Variants in FAM186A observed in about 807,000 individuals in gnomAD.
FAM186A encodes the protein family with sequence similarity 186 member A, also known as protein FAM186A.
In FAM186A, 163 loss-of-function variants were observed where a neutral mutation model predicts 216.8. That is an observed-to-expected ratio of 0.75 (90% CI 0.66 to 0.86). FAM186A has a LOEUF of 0.86. Ranked by LOEUF, FAM186A falls within the 40% of genes least tolerant of loss-of-function variation. FAM186A has a pLI of 0.00. For missense variants in FAM186A, 2,184 were observed against 2,746.2 expected, an observed-to-expected ratio of 0.80 and a Z score of 4.58; for synonymous variants, 805 against 1,025.3, an observed-to-expected ratio of 0.79 and a Z score of 4.10.
chr12:50,382,358 G>T (rs1053470296), intron 1 of FAM186A, among the ~76,000 whole-genome samples: 6 of 151,820 alleles, frequency 4.0e-5, no homozygotes, highest in Non-Finnish European at 5.9e-5. Context: ...TATTTTCTAG[G>T]GGGAATAGCA....
intron 3 of FAM186A, among the ~76,000 whole-genome samples, chr12:50,359,581 C>A (rs1010972674): frequency 1.3e-5 from 2 of 151,802 alleles, no homozygotes; most frequent in African/African-American, 4.8e-5. Flanking sequence ...TCTACCCCCC[C>A]AAAAAAAATG....
intron 1 of FAM186A, chr12:50,365,767 G>T: frequency 1.3e-6 from 1 of 755,176 alleles, no homozygotes. Context: ...GAAGAGCTGA[G>T]ACAGAAGTAC....
intron 5 of FAM186A, among the ~76,000 whole-genome samples, chr12:50,333,462 G>T (rs999765480): frequency 5.9e-5 from 9 of 152,120 alleles, no homozygotes; most frequent in Admixed American, 5.9e-4. Context: ...AATCCAGGAG[G>T]TGGAGTTTGC....
intron 1 of FAM186A, among the ~76,000 whole-genome samples, chr12:50,373,466 G>A (rs574954843): frequency 6.6e-6 from 1 of 152,284 alleles, no homozygotes; most frequent in South Asian, 2.1e-4. Flanking sequence ...GAAGAGGAAG[G>A]AGCAATTCCT....
intron 3 of FAM186A, 89 bp from the exon 4 acceptor site, chr12:50,356,337 G>A: frequency 9.7e-7 from 1 of 1,028,018 alleles, no homozygotes; most frequent in Non-Finnish European, 1.4e-6. Flanking sequence ...ATTTAGCCTA[G>A]ATTAACTATA....
At position 50,383,226 on chromosome 12, in the gene FAM186A, G is replaced by C. The variant is rs552814730; in HGVS notation, c.192+13067C>G. Among the ~76,000 whole-genome samples, 7 of 113,166 alleles carry C rather than the reference G, an allele frequency of 6.2e-5. No homozygotes were observed. The East Asian group carries it at 2.1e-3, about 34-fold the overall frequency. 74.2% of individuals were successfully genotyped at this position (113,166 alleles called of 152,430 possible). A position where few individuals can be genotyped will look rare whatever the true frequency, so the allele number is the denominator to read the frequency against. On this transcript the variant is annotated intron_variant, in intron 1 of 7. Coordinates refer to ENST00000327337, the MANE Select transcript of FAM186A (RefSeq NM_001145475.3). ...GATTGCAGCCACTGCACACCAGCCTGGGTGACAGAGCAAGACTCCGTCTAA... is the reference window on the plus strand; with the variant it reads ...GATTGCAGCCACTGCACACCAGCCTCGGTGACAGAGCAAGACTCCGTCTAA...
Position 50,354,713 on chromosome 12 carries a change from C to A in FAM186A, c.2119G>T (p.Glu707Ter), listed in dbSNP as rs1459992091. 2 of 1,548,660 alleles carry A rather than the reference C, an allele frequency of 1.3e-6. No individual in the cohort carries two copies. The highest frequency in any genetic ancestry group is 2.7e-5 in the African/African-American group (2 of 72,916). ...TTTATGATTCCTAATTTTTCAGCTT[C>A]TGCTCTTTTTAATAACTCCTCTTCC... Reference protein sequence around the residue: ...PKEEELLKRAEAEKLGIIKAK... With the variant: ...PKEEELLKRA Residue 707 changes from glutamate (E) to a stop codon, truncating the protein, a stop_gained, in exon 4 of 8, where the codon GAA (glutamate) becomes TAA (stop). Coordinates refer to ENST00000327337, the MANE Select transcript of FAM186A (RefSeq NM_001145475.3). LOFTEE classifies it high-confidence loss of function.
intron 4 of FAM186A, among the ~76,000 whole-genome samples, chr12:50,347,450 G>C (rs1010740708): frequency 2.0e-5 from 3 of 152,086 alleles, no homozygotes; most frequent in Non-Finnish European, 2.9e-5. Context: ...GAAAATAATA[G>C]CTGGGCGCGG....
At chr12:50,360,692 T>G (rs1943024049) in intron 3 of FAM186A, 64 bp downstream of exon 3, 2 of 1,294,124 alleles carry the variant, frequency 1.5e-6, no homozygotes, top group Admixed American at 3.2e-5. Context: ...AAAAAAAAAG[T>G]TGTTTCTCTA....
intron 5 of FAM186A, among the ~76,000 whole-genome samples, chr12:50,333,535 G>A (rs984853455): frequency 1.3e-5 from 2 of 151,480 alleles, no homozygotes; most frequent in Admixed American, 6.6e-5. Context: ...TCAAAAAAAC[G>A]AAAAACAAAG....
chr12:50,387,933 T>C (rs10083073), intron 1 of FAM186A, among the ~76,000 whole-genome samples: 152,282 of 152,288 alleles, frequency 1, 76,138 homozygotes, highest in Non-Finnish European at 1. Flanking sequence ...ACTATCTGCC[T>C]ACGTGATTTC....
At chr12:50,346,607 G>C (rs1339950784) in intron 4 of FAM186A, among the ~76,000 whole-genome samples, 3 of 152,170 alleles carry the variant, frequency 2.0e-5, no homozygotes, top group Non-Finnish European at 4.4e-5. Context: ...CAGCACTTTG[G>C]GAGGCCGAAG....
chr12:50,351,728 G>T lies in FAM186A; in HGVS notation c.5104C>A (p.Pro1702Thr), dbSNP rs1428383387. 12 of 1,551,528 alleles carry T rather than the reference G, an allele frequency of 7.7e-6. No homozygotes were observed. Among genetic ancestry groups the T allele is most frequent in the Middle Eastern group, 1.7e-4 (1 of 5,988 alleles). The change falls in exon 4 of 8, where the codon CCC becomes ACC. Residue 1702 changes from proline to threonine, a missense_variant. Transcript: ENST00000327337. ...TLDKAHTLGS[P>T]LTLKQVQWSH... is the part of the protein sequence containing the mutation. ...CACTGGACTTGCTTAAGGGTGAGGG[G>T]CGATCCCAAGGTATGGGCTTTATCT... is the stretch of plus-strand genomic sequence containing the variant.
chr12:50,362,957 G>A (rs1030618120), intron 2 of FAM186A, among the ~76,000 whole-genome samples, 188 bp downstream of exon 2: 1 of 152,078 alleles, frequency 6.6e-6, no homozygotes, highest in African/African-American at 2.4e-5. Context: ...CAGCATAGCT[G>A]GCACTAAGTG....
chr12:50,382,273 C>T (rs1943260490), intron 1 of FAM186A, among the ~76,000 whole-genome samples: 1 of 147,494 alleles, frequency 6.8e-6, no homozygotes, highest in Admixed American at 6.8e-5. Context: ...AAGACACACT[C>T]TTGTCCACAC....
intron 5 of FAM186A, among the ~76,000 whole-genome samples, chr12:50,332,313 A>T (rs762466307): frequency 5.9e-5 from 9 of 152,182 alleles, no homozygotes; most frequent in Admixed American, 2.6e-4. Context: ...TCTTATAATT[A>T]CCCTTGTCTT....
chr12:50,333,743 G>C (rs1214013890), intron 5 of FAM186A, among the ~76,000 whole-genome samples, 168 bp downstream of exon 5: 2 of 152,228 alleles, frequency 1.3e-5, no homozygotes, highest in East Asian at 3.9e-4. Flanking sequence ...CTCTAGAACT[G>C]TGAGAGAGTA....
At chr12:50,387,978 G>A (rs749120328) in intron 1 of FAM186A, among the ~76,000 whole-genome samples, 7 of 152,098 alleles carry the variant, frequency 4.6e-5, no homozygotes, top group Non-Finnish European at 8.8e-5. Flanking sequence ...TATTCTCTCT[G>A]GGCACACCAC....
chr12:50,361,463 T>A (rs568411789), intron 2 of FAM186A, among the ~76,000 whole-genome samples: 16 of 151,700 alleles, frequency 1.1e-4, no homozygotes, highest in Admixed American at 3.3e-4. Flanking sequence ...CCTCCCAAAG[T>A]GCTGGGATTA....
Sources: allele counts gnomAD v4.1 joint callset (sites outside exome capture counted in the v4.1 genomes callset), GRCh38; gene constraint gnomAD v4.1.1; transcripts MANE v1.5; gene names NCBI Gene and HGNC (gene_info 2026-07-23, HGNC 2026-07-21).